Variants in ZNF366 observed in about 807,000 individuals in gnomAD.
The protein encoded by ZNF366 is zinc finger protein 366.
Under a neutral mutation model 47.2 loss-of-function variants are expected in ZNF366, and 20 were observed. The ratio of observed to expected loss-of-function variants is 0.42; its 90% CI spans 0.30 to 0.62. ZNF366 has a LOEUF of 0.62. ZNF366 is among the 20% of genes least tolerant of loss of function. The pLI is 0.16. For synonymous variants in ZNF366, 421 were observed against 395.1 expected (o/e 1.07, Z -0.78); for missense variants, 987 against 976.3 (o/e 1.01, Z -0.15).
At chr5:72,472,340 T>C (rs572286392) in intron 1 of ZNF366, among the ~76,000 whole-genome samples, 1 of 152,374 alleles carries the variant, frequency 6.6e-6, no homozygotes, top group South Asian at 2.1e-4. Flanking sequence ...AACTATTTTC[T>C]TTCAAAATGT....
rs1162218746 is a variant in ZNF366 at position 72,460,952 on chromosome 5, G to T, written c.545C>A (p.Pro182Gln). ...CACGAAGAAGGGGAACATGAGGCCC[G>T]GGTGGACTTTGGGGTAGTAGGGGTA... ...TPYPYYPKVHPGLMFPFFVPS... is the reference protein window; with the variant it reads ...TPYPYYPKVHQGLMFPFFVPS... The change falls in exon 2 of 5, where the codon CCG (proline) becomes CAG (glutamine). Residue 182 changes from proline (P) to glutamine (Q), a missense_variant. Coordinates refer to ENST00000318442, the MANE Select transcript of ZNF366 (RefSeq NM_152625.3). The T allele has an allele frequency of 1.2e-6, 2 of 1,612,278 alleles. No individual in the cohort carries two copies. Among genetic ancestry groups the T allele is most frequent in the Non-Finnish European group, 1.7e-6 (2 of 1,178,838 alleles).
intron 4 of ZNF366, among the ~76,000 whole-genome samples, chr5:72,446,328 C>T (rs1365059697): frequency 6.6e-6 from 1 of 152,146 alleles, no homozygotes; most frequent in African/African-American, 2.4e-5. Flanking sequence ...TACTAGTGAC[C>T]GAAAAGCTGT....
chr5:72,467,530 A>G (rs537710824), intron 1 of ZNF366, among the ~76,000 whole-genome samples: 4 of 152,344 alleles, frequency 2.6e-5, no homozygotes, highest in African/African-American at 9.6e-5. Flanking sequence ...TATTCCCCAG[A>G]TAAAATTACT....
At chr5:72,493,186 C>T (rs1744047378) in intron 1 of ZNF366, among the ~76,000 whole-genome samples, 1 of 152,158 alleles carries the variant, frequency 6.6e-6, no homozygotes, top group Non-Finnish European at 1.5e-5. Context: ...TCTATTGAGC[C>T]CCAACTACGT....
intron 1 of ZNF366, among the ~76,000 whole-genome samples, chr5:72,465,452 T>C (rs1378024932): frequency 6.6e-6 from 1 of 152,226 alleles, no homozygotes; most frequent in Non-Finnish European, 1.5e-5. Flanking sequence ...GTTAAAATTC[T>C]GGGTGTCCTC....
At chr5:72,446,484 G>A (rs1322994958) in intron 4 of ZNF366, among the ~76,000 whole-genome samples, 1 of 152,212 alleles carries the variant, frequency 6.6e-6, no homozygotes, top group Non-Finnish European at 1.5e-5. Flanking sequence ...CGATTAAGGA[G>A]CAACCCTGCT....
chr5:72,486,453 T>A (rs145981110), intron 1 of ZNF366, among the ~76,000 whole-genome samples: 61 of 152,326 alleles, frequency 4.0e-4, no homozygotes, highest in African/African-American at 1.3e-3. Flanking sequence ...AGGGAGGGTC[T>A]AACTGGCTCC....
chr5:72,481,108 G>A (rs576322468), intron 1 of ZNF366, among the ~76,000 whole-genome samples: 40 of 152,168 alleles, frequency 2.6e-4, no homozygotes, highest in African/African-American at 7.5e-4. Context: ...AATAACAGCC[G>A]TAATAAAAAG....
chr5:72,475,066 G>C (rs1743646272), intron 1 of ZNF366, among the ~76,000 whole-genome samples: 1 of 152,166 alleles, frequency 6.6e-6, no homozygotes, highest in African/African-American at 2.4e-5. Context: ...GGTGCTTTGG[G>C]AGCTTCTTTG....
At position 72,442,236 on chromosome 5, in the gene ZNF366, A is replaced by G. The variant is rs1742867493; in HGVS notation, c.*1520T>C. The G allele has an allele frequency of 6.6e-6, 1 of 152,190 alleles. No homozygotes were observed. The highest frequency in any genetic ancestry group is 1.5e-5 in the Non-Finnish European group (1 of 68,034). The allele number at this position is 152,190 out of a possible 1,614,324, so 9.4% of individuals were successfully genotyped here. A position where few individuals can be genotyped will look rare whatever the true frequency, so the allele number is the denominator to read the frequency against. On this transcript the variant is annotated 3_prime_UTR_variant, in exon 5 of 5. Coordinates refer to ENST00000318442, the MANE Select transcript of ZNF366 (RefSeq NM_152625.3). The stretch of plus-strand genomic sequence containing the variant: ...CAACCTTAAAGAGTCTGAGGCTAGG[A>G]ACAGAAATACTTATGAAGTCTCTGG...
intron 3 of ZNF366, among the ~76,000 whole-genome samples, chr5:72,449,136 TA>T (rs1743013505): frequency 6.6e-6 from 1 of 152,224 alleles, no homozygotes. Flanking sequence ...TCAATTGAGA[TA>T]ATTTATTAAG....
chr5:72,446,741 G>A (rs1742968555), intron 4 of ZNF366, among the ~76,000 whole-genome samples: 1 of 152,178 alleles, frequency 6.6e-6, no homozygotes, highest in Admixed American at 6.5e-5. Context: ...AGTAAGGCTT[G>A]CACATCTGTT....
At chr5:72,502,502 T>A (rs1230145972) in intron 1 of ZNF366, among the ~76,000 whole-genome samples, 3 of 152,192 alleles carry the variant, frequency 2.0e-5, no homozygotes, top group Admixed American at 6.5e-5. Flanking sequence ...AAAAACTCAA[T>A]CAGGAAATTT....
chr5:72,497,193 G>A (rs904938402), intron 1 of ZNF366, among the ~76,000 whole-genome samples: 4 of 152,022 alleles, frequency 2.6e-5, no homozygotes, highest in African/African-American at 9.7e-5. Context: ...GTTTTGCGTC[G>A]TAACTAAGAA....
In ZNF366 at chr5:72,444,159, G is replaced by A. The variant is rs752231269; in HGVS notation, c.1832C>T (p.Ala611Val). The A allele has an allele frequency of 1.9e-6, 3 of 1,613,484 alleles. No homozygotes were observed. The highest frequency in any genetic ancestry group is 4.5e-5 in the East Asian group (2 of 44,890). The change falls in exon 5 of 5, where the codon GCC becomes GTC. Residue 611 changes from alanine (A) to valine (V), a missense_variant. Ala to Val is a moderately conservative substitution (Grantham distance 64). Coordinates refer to ENST00000318442, the MANE Select transcript of ZNF366 (RefSeq NM_152625.3). ...CTCCTCGTGGCAGTGGCTGCCCTGG[G>A]CACTCTCCCCGTCTGACTGGAACAC... ...VPVFQSDGES[A>V]QGSHCHEEEE...
intron 4 of ZNF366, among the ~76,000 whole-genome samples, chr5:72,446,299 T>C (rs1742956984): frequency 6.6e-6 from 1 of 152,230 alleles, no homozygotes; most frequent in Admixed American, 6.5e-5. Flanking sequence ...CTAAGGTGTC[T>C]CACCCTGTGC....
intron 4 of ZNF366, among the ~76,000 whole-genome samples, chr5:72,446,822 A>C (rs972268931): frequency 6.6e-6 from 1 of 152,260 alleles, no homozygotes; most frequent in Non-Finnish European, 1.5e-5. Flanking sequence ...TAAAGGCTGC[A>C]CAGTCAGAAA....
chr5:72,485,987 A>G (rs1406930095), intron 1 of ZNF366, among the ~76,000 whole-genome samples: 1 of 152,158 alleles, frequency 6.6e-6, no homozygotes, highest in Non-Finnish European at 1.5e-5. Flanking sequence ...CTGTGTCTGA[A>G]GTGAGGCCAC....
intron 1 of ZNF366, among the ~76,000 whole-genome samples, chr5:72,466,175 C>T (rs950739018): frequency 6.6e-6 from 1 of 152,204 alleles, no homozygotes; most frequent in African/African-American, 2.4e-5. Flanking sequence ...CTTGTCACAG[C>T]AGCGAAGGTG....
Sources: gnomAD v4.1 joint callset for allele counts (sites outside exome capture counted in the v4.1 genomes callset) on GRCh38, gnomAD v4.1.1 for gene constraint, MANE v1.5 for transcripts, NCBI Gene and HGNC (gene_info 2026-07-23, HGNC 2026-07-21) for gene names.